TRDMT1: variants seen among roughly 807,000 people sequenced by gnomAD.
TRDMT1 encodes the protein tRNA (cytosine(38)-C(5))-methyltransferase.
In TRDMT1, 49 loss-of-function variants were observed where a neutral mutation model predicts 51.2. The observed-to-expected ratio is 0.96, with a 90% confidence interval of 0.76 to 1.21. The LOEUF is 1.21. TRDMT1 is among the 50% of genes most tolerant of loss of function. The probability of loss-of-function intolerance (pLI) is 0.00; values close to 1 mark genes in which losing one functional copy is unlikely to be tolerated. For missense variants in TRDMT1, 534 were observed against 462.3 expected (o/e 1.16, Z -1.42); for synonymous variants, 187 against 164.6 (o/e 1.14, Z -1.04).
intron 2 of TRDMT1, among the ~76,000 whole-genome samples, chr10:17,172,757 T>C (rs1842186482): frequency 6.6e-6 from 1 of 152,158 alleles, no homozygotes; most frequent in South Asian, 2.1e-4. Context: ...TAATAGATAT[T>C]TGACTATTTA....
At chr10:17,172,226 C>T (rs931037067) in intron 2 of TRDMT1, among the ~76,000 whole-genome samples, 1 of 152,086 alleles carries the variant, frequency 6.6e-6, no homozygotes, top group East Asian at 1.9e-4. Flanking sequence ...CAAAGAAAGA[C>T]ACAATATATT....
chr10:17,153,417 T>G (rs2131383841), intron 10 of TRDMT1, 90 bp downstream of exon 10: 1 of 1,459,416 alleles, frequency 6.9e-7, no homozygotes, highest in East Asian at 2.3e-5. Flanking sequence ...TTGAGCCCAT[T>G]TGTTTAGGCA....
intron 1 of TRDMT1, among the ~76,000 whole-genome samples, chr10:17,192,001 G>A (rs1308308676): frequency 1.3e-5 from 2 of 152,192 alleles, no homozygotes; most frequent in South Asian, 2.1e-4. Flanking sequence ...AGGCAAGGTG[G>A]CATTAGTCAG....
chr10:17,180,621 C>T (rs911312275), intron 1 of TRDMT1, among the ~76,000 whole-genome samples: 17 of 151,820 alleles, frequency 1.1e-4, no homozygotes, highest in African/African-American at 3.9e-4. Flanking sequence ...AGTAACATTG[C>T]ATTAATGCTT....
chr10:17,166,692 G>T (rs1323321276), intron 3 of TRDMT1, among the ~76,000 whole-genome samples: 1 of 152,162 alleles, frequency 6.6e-6, no homozygotes, highest in Non-Finnish European at 1.5e-5. Flanking sequence ...GTTCTTATTT[G>T]TCCTTTCCTG....
rs941142904 is a variant in TRDMT1 at position 17,139,228 on chromosome 10, C to G, written c.*9812G>C. 1.0e-6 allele frequency: 1 copy of G among 985,322 alleles called. No individual in the cohort carries two copies. Among genetic ancestry groups the G allele is most frequent in the Non-Finnish European group, 1.2e-6 (1 of 829,852 alleles). The allele number at this position is 985,322 out of a possible 1,614,324, so 61.0% of individuals were successfully genotyped here. A position where few individuals can be genotyped will look rare whatever the true frequency, so the allele number is the denominator to read the frequency against. Reference sequence around the variant, plus strand: ...TAAAAAGGACAAAATGAGTTTTCTACTTGGTGACCCCTAAAATTCCCCAAA... The same window carrying G: ...TAAAAAGGACAAAATGAGTTTTCTAGTTGGTGACCCCTAAAATTCCCCAAA... On this transcript the variant is annotated 3_prime_UTR_variant, in exon 11 of 11. Transcript: ENST00000377799.
intron 1 of TRDMT1, among the ~76,000 whole-genome samples, chr10:17,182,646 G>A (rs1043989112): frequency 3.3e-5 from 5 of 152,082 alleles, no homozygotes; most frequent in African/African-American, 1.2e-4. Context: ...CTTCCTTATG[G>A]TAATACCCAA....
intron 6 of TRDMT1, 133 bp downstream of exon 6, chr10:17,160,172 A>T: frequency 2.1e-6 from 1 of 485,226 alleles, no homozygotes; most frequent in Non-Finnish European, 3.5e-6. Context: ...GAAGACCCAT[A>T]ATCTAAACTA....
At chr10:17,149,306 T>C (rs546943257) in intron 10 of TRDMT1, among the ~76,000 whole-genome samples, 166 bp from the exon 11 acceptor site, 2 of 152,274 alleles carry the variant, frequency 1.3e-5, no homozygotes, top group East Asian at 1.9e-4. Flanking sequence ...AAATATTCTA[T>C]AACATTATAT....
chr10:17,178,291 G>C (rs1474804511), intron 1 of TRDMT1, among the ~76,000 whole-genome samples: 1 of 152,176 alleles, frequency 6.6e-6, no homozygotes, highest in East Asian at 1.9e-4. Flanking sequence ...AAGTACTAAA[G>C]AACGTACAGA....
intron 2 of TRDMT1, among the ~76,000 whole-genome samples, chr10:17,170,217 T>C (rs1232712002): frequency 6.6e-6 from 1 of 152,184 alleles, no homozygotes; most frequent in Non-Finnish European, 1.5e-5. Flanking sequence ...ATTTTTTTAA[T>C]AGTGTAGGCC....
chr10:17,150,382 C>T (rs531407063), intron 10 of TRDMT1: 1 of 985,142 alleles, frequency 1.0e-6, no homozygotes, highest in Non-Finnish European at 1.2e-6. Flanking sequence ...TACAAGTACC[C>T]CACGGGTGTT....
In TRDMT1 at chr10:17,148,139, G is replaced by A; in HGVS notation, c.*901C>T. The stretch of plus-strand genomic sequence containing the variant: ...TAATTCCAAGAGGTCTGCTGAGGAA[G>A]AGAGACAGAGAAAGTTAAAAGTCAT... On this transcript the variant is annotated 3_prime_UTR_variant, in exon 11 of 11. Transcript: ENST00000377799. 2.0e-6 allele frequency: 2 copies of A among 985,394 alleles called. No individual in the cohort carries two copies. Among genetic ancestry groups the A allele is most frequent in the Non-Finnish European group, 2.4e-6 (2 of 829,928 alleles). 61.0% of individuals were successfully genotyped at this position (985,394 alleles called of 1,614,324 possible).
chr10:17,178,533 AGGCATGGT>A, intron 1 of TRDMT1, among the ~76,000 whole-genome samples: 1 of 152,076 alleles, frequency 6.6e-6, no homozygotes, highest in South Asian at 2.1e-4. Context: ...AAAATTAGCC[AGGCATGGT>A]GGCACACGCC....
intron 1 of TRDMT1, among the ~76,000 whole-genome samples, chr10:17,195,931 T>C (rs1452805703): frequency 2.0e-5 from 3 of 152,080 alleles, no homozygotes; most frequent in Non-Finnish European, 4.4e-5. Flanking sequence ...GACAGGTATG[T>C]ATAACTGAAA....
intron 1 of TRDMT1, among the ~76,000 whole-genome samples, chr10:17,199,873 T>C (rs1435903572): frequency 6.6e-6 from 1 of 152,224 alleles, no homozygotes; most frequent in Non-Finnish European, 1.5e-5. Flanking sequence ...AAATTCACAT[T>C]GCATTGGCTA....
intron 1 of TRDMT1, among the ~76,000 whole-genome samples, chr10:17,181,460 G>A (rs1024282040): frequency 6.6e-6 from 1 of 152,084 alleles, no homozygotes; most frequent in African/African-American, 2.4e-5. Flanking sequence ...TGCAGTAATT[G>A]GCACAGAATA....
intron 2 of TRDMT1, chr10:17,169,371 A>G: frequency 8.0e-7 from 1 of 1,248,388 alleles, no homozygotes; most frequent in Non-Finnish European, 1.0e-6. Context: ...TCCCTTTCAT[A>G]TACATCTGTT....
At chr10:17,189,331 G>A (rs762719153) in intron 1 of TRDMT1, among the ~76,000 whole-genome samples, 10 of 152,208 alleles carry the variant, frequency 6.6e-5, no homozygotes, top group Admixed American at 2.0e-4. Flanking sequence ...TCTTCATAGC[G>A]AAAAACCCTT....
Sources: gnomAD v4.1 joint callset for allele counts (sites outside exome capture counted in the v4.1 genomes callset) on GRCh38, gnomAD v4.1.1 for gene constraint, MANE v1.5 for transcripts, NCBI Gene and HGNC (gene_info 2026-07-23, HGNC 2026-07-21) for gene names.